WFDC13: variants seen among roughly 807,000 people sequenced by gnomAD.
The protein encoded by WFDC13 is WAP four-disulfide core domain protein 13.
A neutral mutation model predicts 10.9 loss-of-function variants in WFDC13; 6 were observed. That is an observed-to-expected ratio of 0.55 (90% CI 0.30 to 1.09). WFDC13 has a LOEUF of 1.09. WFDC13 is among the 50% of genes least tolerant of loss of function. WFDC13 has a pLI of 0.06. For synonymous variants in WFDC13, 38 were observed against 39.5 expected (o/e 0.96, Z 0.14); for missense variants, 104 against 109.6 (o/e 0.95, Z 0.23).
At chr20:45,706,019 C>A in intron 3 of WFDC13, 92 bp downstream of exon 3, 1 of 1,111,470 alleles carries the variant, frequency 9.0e-7, no homozygotes, top group Non-Finnish European at 1.3e-6. Flanking sequence ...CACTACATTC[C>A]CACAAGCTCA....
chr20:45,702,188 G>A lies in WFDC13; in HGVS notation c.65G>A (p.Gly22Glu). ...VFCLALQLVP[G>E]SPKQRVLKYI... ...TGCCTAGCACTGCAGCTGGTGCCTG[G>A]GAGTCCCAAGCAGCGTGTTCTGAGT... Residue 22 changes from glycine (G) to glutamate (E), a missense_variant, in exon 1 of 4, where the codon GGG becomes GAG. Coordinates refer to ENST00000305479, the MANE Select transcript of WFDC13 (RefSeq NM_172005.2). 6.2e-7 allele frequency: 1 copy of A among 1,612,904 alleles called. No homozygotes were observed. Among genetic ancestry groups the A allele is most frequent in the South Asian group, 1.1e-5 (1 of 90,634 alleles).
intron 3 of WFDC13, among the ~76,000 whole-genome samples, chr20:45,706,431 C>A (rs1013979914): frequency 1.3e-5 from 2 of 152,192 alleles, no homozygotes; most frequent in Non-Finnish European, 2.9e-5. Context: ...AAACTGCCAG[C>A]AACTCACTTA....
At position 45,708,620 on chromosome 20, in the gene WFDC13, A is replaced by C. The variant is rs1984490921; in HGVS notation, c.*785A>C. On this transcript the variant is annotated 3_prime_UTR_variant, in exon 4 of 4. Coordinates refer to ENST00000305479, the MANE Select transcript of WFDC13 (RefSeq NM_172005.2). ...TCTCTACAGAAATGATATAAAAACT[A>C]TAGTCATAAGAAGAGACAATCAAAA... The C allele has an allele frequency of 6.6e-6, 1 of 152,242 alleles. No homozygotes were observed. The allele number at this position is 152,242 out of a possible 1,614,324, so 9.4% of individuals were successfully genotyped here.
At chr20:45,706,920 G>T (rs1984416029) in intron 3 of WFDC13, among the ~76,000 whole-genome samples, 1 of 152,226 alleles carries the variant, frequency 6.6e-6, no homozygotes, top group African/African-American at 2.4e-5. Flanking sequence ...GTATTTGAAA[G>T]AAAAAGTTAG....
chr20:45,706,205 T>C (rs1014367511), intron 3 of WFDC13, among the ~76,000 whole-genome samples: 12 of 152,180 alleles, frequency 7.9e-5, no homozygotes, highest in Non-Finnish European at 1.5e-4. Flanking sequence ...TGAGGCTTTG[T>C]CAAGGAACAA....
intron 2 of WFDC13, chr20:45,705,114 GGACATAGGGTGCTGATGA>G: frequency 1.1e-6 from 1 of 918,988 alleles, no homozygotes; most frequent in Non-Finnish European, 1.8e-6. Flanking sequence ...GGCAGAGAAA[GGACATAGGGTGCTGATGA>G]GACATATGGT....
At chr20:45,705,376 A>G (rs550435653) in intron 2 of WFDC13, among the ~76,000 whole-genome samples, 1 of 152,354 alleles carries the variant, frequency 6.6e-6, no homozygotes, top group South Asian at 2.1e-4. Context: ...AATACCCAGC[A>G]TGAGATAATG....
At chr20:45,707,591 G>C (rs1185799137) in intron 3 of WFDC13, among the ~76,000 whole-genome samples, 1 of 152,176 alleles carries the variant, frequency 6.6e-6, no homozygotes, top group African/African-American at 2.4e-5. Flanking sequence ...AAGTTCTAAT[G>C]GAAAGCATTG....
chr20:45,706,274 C>T (rs73116850), intron 3 of WFDC13, among the ~76,000 whole-genome samples: 6,523 of 152,248 alleles, frequency 0.043, 124 homozygotes, highest in Middle Eastern at 0.096. Context: ...GAGCCCTTCA[C>T]GCTCTGAGAC....
intron 1 of WFDC13, 98 bp from the exon 2 acceptor site, chr20:45,704,346 G>T: frequency 6.7e-7 from 1 of 1,488,088 alleles, no homozygotes; most frequent in Non-Finnish European, 9.0e-7. Context: ...AGGCAGATGA[G>T]GGTGGCAGGT....
intron 3 of WFDC13, among the ~76,000 whole-genome samples, chr20:45,706,556 G>A (rs1019295270): frequency 4.6e-5 from 7 of 151,640 alleles, no homozygotes; most frequent in South Asian, 4.2e-4. Context: ...GACGGATCAC[G>A]AGGTCAGGAG....
intron 2 of WFDC13, 118 bp from the exon 3 acceptor site, chr20:45,705,743 ATG>A (rs1261453544): frequency 8.8e-6 from 8 of 906,878 alleles, no homozygotes; most frequent in Non-Finnish European, 9.9e-6. Flanking sequence ...TGCCTTCCCT[ATG>A]GCAAGAGAAA....
chr20:45,702,765 C>T (rs1351429266), intron 1 of WFDC13, among the ~76,000 whole-genome samples: 1 of 152,176 alleles, frequency 6.6e-6, no homozygotes, highest in Admixed American at 6.5e-5. Context: ...AGTGTAGAGT[C>T]CATCTCAGCA....
intron 3 of WFDC13, among the ~76,000 whole-genome samples, chr20:45,707,434 G>A (rs1477444106): frequency 2.0e-5 from 3 of 152,122 alleles, no homozygotes; most frequent in Non-Finnish European, 2.9e-5. Context: ...CACTGGTCAC[G>A]AGAGGCTATT....
At chr20:45,705,164 A>G (rs773964942) in intron 2 of WFDC13, 6 of 615,892 alleles carry the variant, frequency 9.7e-6, no homozygotes, top group Non-Finnish European at 1.7e-5. Context: ...TCTTGCAACT[A>G]TGTCTTTCTA....
intron 2 of WFDC13, among the ~76,000 whole-genome samples, chr20:45,705,425 G>A (rs562180612): frequency 1.4e-5 from 2 of 147,500 alleles, no homozygotes; most frequent in Non-Finnish European, 2.9e-5. Context: ...CCAAACACCT[G>A]GGCTCAAATC....
chr20:45,702,687 G>A (rs754651594), intron 1 of WFDC13, among the ~76,000 whole-genome samples: 3 of 152,184 alleles, frequency 2.0e-5, no homozygotes, highest in Admixed American at 1.3e-4. Flanking sequence ...AGGAAGTCTT[G>A]CCTTTTATTC....
chr20:45,706,491 G>A (rs1454535303), intron 3 of WFDC13, among the ~76,000 whole-genome samples: 3 of 152,156 alleles, frequency 2.0e-5, no homozygotes, highest in African/African-American at 7.2e-5. Context: ...AAGAGGGAGT[G>A]GGCCGGGTAT....
intron 1 of WFDC13, among the ~76,000 whole-genome samples, chr20:45,703,488 A>C (rs568404366): frequency 6.6e-6 from 1 of 152,230 alleles, no homozygotes; most frequent in Non-Finnish European, 1.5e-5. Flanking sequence ...GCAGAGGAAT[A>C]GACCCACAAT....
Sources: gnomAD v4.1 joint callset for allele counts (sites outside exome capture counted in the v4.1 genomes callset) on GRCh38, gnomAD v4.1.1 for gene constraint, MANE v1.5 for transcripts, NCBI Gene and HGNC (gene_info 2026-07-23, HGNC 2026-07-21) for gene names.